TAFA5: variants seen among roughly 807,000 people sequenced by gnomAD.
TAFA5 encodes TAFA chemokine like family member 5, also known as chemokine-like protein TAFA-5.
TAFA5 carries 6 observed loss-of-function variants against 15.3 expected under a neutral mutation model. The ratio of observed to expected loss-of-function variants is 0.39; its 90% CI spans 0.21 to 0.77. TAFA5 has a LOEUF of 0.77. TAFA5 is among the 30% of genes least tolerant of loss of function. The pLI is 0.41. For synonymous variants in TAFA5, 103 were observed against 80.7 expected (o/e 1.28, Z -1.48); for missense variants, 161 against 193.1 (o/e 0.83, Z 0.98).
chr22:48,511,701 C>T (rs914488956), intron 1 of TAFA5, among the ~76,000 whole-genome samples: 4 of 152,238 alleles, frequency 2.6e-5, no homozygotes, highest in African/African-American at 9.6e-5. Context: ...CCCGGCCCGG[C>T]ACACACAGGC....
At chr22:48,632,411 C>T (rs1286965287) in intron 1 of TAFA5, among the ~76,000 whole-genome samples, 5 of 151,048 alleles carry the variant, frequency 3.3e-5, no homozygotes, top group Admixed American at 1.3e-4. Flanking sequence ...CCTTGCTTTG[C>T]CCCGACCCCT....
intron 1 of TAFA5, among the ~76,000 whole-genome samples, chr22:48,590,028 G>C (rs537258104): frequency 9.3e-5 from 14 of 151,330 alleles, no homozygotes; most frequent in Non-Finnish European, 4.4e-5. Flanking sequence ...GCACATGCAC[G>C]CGTGCTTGGG....
chr22:48,583,392 CCACACACCACACACAAAATACGCCACA>C (rs1924171763), intron 1 of TAFA5, among the ~76,000 whole-genome samples: 1 of 149,606 alleles, frequency 6.7e-6, no homozygotes, highest in Non-Finnish European at 1.5e-5. Flanking sequence ...ACAAAATACA[CCACACACCACACACAAAATACGCCACA>C]CACACACCAC....
chr22:48,747,296 C>A (rs1462427203), intron 3 of TAFA5, among the ~76,000 whole-genome samples: 1 of 152,236 alleles, frequency 6.6e-6, no homozygotes, highest in Non-Finnish European at 1.5e-5. Context: ...ACAGCAGCAA[C>A]CAACCACAGC....
At chr22:48,746,990 C>T (rs1930347707) in intron 3 of TAFA5, among the ~76,000 whole-genome samples, 1 of 152,214 alleles carries the variant, frequency 6.6e-6, no homozygotes, top group African/African-American at 2.4e-5. Context: ...CCATACCCTA[C>T]AGAGTGGGCT....
chr22:48,673,109 G>A lies in TAFA5; in HGVS notation c.262+26363G>A, dbSNP rs550631083. Among the ~76,000 whole-genome samples, 10 of 152,244 alleles carry A rather than the reference G, an allele frequency of 6.6e-5. No individual in the cohort carries two copies. In the South Asian group the frequency reaches 1.2e-3, roughly 19 times the overall value. On this transcript the variant is annotated intron_variant, in intron 2 of 3. Transcript: ENST00000402357. The stretch of plus-strand genomic sequence containing the variant: ...TTGTCTCCTTTTCATCTGGGGCACT[G>A]TGCTCTAGAAGATATCGGTCTCGTT...
chr22:48,749,664 G>C (rs1930424837), intron 3 of TAFA5, among the ~76,000 whole-genome samples, 175 bp from the exon 4 acceptor site: 1 of 152,154 alleles, frequency 6.6e-6, no homozygotes, highest in South Asian at 2.1e-4. Flanking sequence ...GTGGGGATTT[G>C]GGGGCACTGT....
intron 1 of TAFA5, among the ~76,000 whole-genome samples, chr22:48,577,342 T>C (rs1006064498): frequency 5.3e-5 from 8 of 152,134 alleles, no homozygotes; most frequent in Non-Finnish European, 1.0e-4. Flanking sequence ...CCTGGAAACT[T>C]CCTGGTTTCA....
chr22:48,638,878 G>A (rs111325761), intron 1 of TAFA5, among the ~76,000 whole-genome samples: 6 of 100,018 alleles, frequency 6.0e-5, no homozygotes, highest in Admixed American at 1.1e-4. Flanking sequence ...CTGGGACACC[G>A]CACACAGGCG....
chr22:48,692,146 C>A (rs1928563602), intron 2 of TAFA5, among the ~76,000 whole-genome samples: 1 of 152,014 alleles, frequency 6.6e-6, no homozygotes, highest in Admixed American at 6.5e-5. Context: ...GAGCCCTGGC[C>A]CACCCAGGAG....
rs1305518601 is a variant in TAFA5 at position 48,613,497 on chromosome 22, C to T, written c.113-33100C>T. 2.0e-5 allele frequency among the ~76,000 whole-genome samples: 3 copies of T among 152,344 alleles called. 1 individual carries two copies. Among genetic ancestry groups the T allele is most frequent in the South Asian group, 4.1e-4 (2 of 4,826 alleles). Reference sequence around the variant, plus strand: ...TGTCCTTCTGACATTCTTCTTTCCTCTCTGTCTCATCTCCTGAGCTTGGGG... The same window carrying T: ...TGTCCTTCTGACATTCTTCTTTCCTTTCTGTCTCATCTCCTGAGCTTGGGG... On this transcript the variant is annotated intron_variant, in intron 1 of 3. Coordinates refer to ENST00000402357, the MANE Select transcript of TAFA5 (RefSeq NM_001082967.3).
intron 3 of TAFA5, among the ~76,000 whole-genome samples, chr22:48,723,006 G>A (rs983731783): frequency 1.4e-4 from 22 of 152,160 alleles, no homozygotes; most frequent in African/African-American, 4.6e-4. Flanking sequence ...GGAGAAGCTC[G>A]TTCTAGCTGT....
At chr22:48,692,652 C>A (rs1369603015) in intron 2 of TAFA5, among the ~76,000 whole-genome samples, 1 of 152,194 alleles carries the variant, frequency 6.6e-6, no homozygotes, top group Non-Finnish European at 1.5e-5. Flanking sequence ...ATGATGATGG[C>A]AGTGGCAGCA....
At chr22:48,642,324 C>A (rs1027517531) in intron 1 of TAFA5, among the ~76,000 whole-genome samples, 2 of 152,158 alleles carry the variant, frequency 1.3e-5, no homozygotes, top group Non-Finnish European at 2.9e-5. Flanking sequence ...CCCAGGGGTC[C>A]GGGTCTACCC....
chr22:48,499,583 A>T (rs541350147), intron 1 of TAFA5, among the ~76,000 whole-genome samples: 4 of 152,124 alleles, frequency 2.6e-5, no homozygotes, highest in Non-Finnish European at 5.9e-5. Context: ...CAGGCTCAGT[A>T]GGGCCCTCCG....
At chr22:48,697,816 AGTGGTG>A (rs1928765381) in intron 2 of TAFA5, among the ~76,000 whole-genome samples, 2 of 148,088 alleles carry the variant, frequency 1.4e-5, no homozygotes, top group East Asian at 4.1e-4. Flanking sequence ...ATGAGATGGT[AGTGGTG>A]GTGATGTTGG....
At chr22:48,749,306 G>T (rs1392081202) in intron 3 of TAFA5, among the ~76,000 whole-genome samples, 7 of 152,186 alleles carry the variant, frequency 4.6e-5, no homozygotes, top group Non-Finnish European at 1.0e-4. Flanking sequence ...GTGGTCATTT[G>T]ATTGGGCAGC....
intron 3 of TAFA5, among the ~76,000 whole-genome samples, chr22:48,721,107 A>G (rs1193256406): frequency 6.6e-6 from 1 of 152,172 alleles, no homozygotes; most frequent in Non-Finnish European, 1.5e-5. Flanking sequence ...CGTGAGCTCC[A>G]TCTCGATGGG....
At chr22:48,681,368 T>C (rs1190490153) in intron 2 of TAFA5, among the ~76,000 whole-genome samples, 1 of 151,428 alleles carries the variant, frequency 6.6e-6, no homozygotes, top group African/African-American at 2.4e-5. Context: ...TGAGGCCGGG[T>C]GCGGTGGCTC....
Sources: gnomAD v4.1 joint callset for allele counts (sites outside exome capture counted in the v4.1 genomes callset) on GRCh38, gnomAD v4.1.1 for gene constraint, MANE v1.5 for transcripts, NCBI Gene and HGNC (gene_info 2026-07-23, HGNC 2026-07-21) for gene names.